CRACR2A: variants seen among roughly 807,000 people sequenced by gnomAD.
CRACR2A encodes calcium release activated channel regulator 2A.
A neutral mutation model predicts 90.5 loss-of-function variants in CRACR2A; 79 were observed. The observed-to-expected ratio is 0.87, with a 90% CI of 0.73 to 1.05. CRACR2A has a LOEUF of 1.05. CRACR2A is among the 50% of genes least tolerant of loss of function. The pLI, the probability that CRACR2A is intolerant of heterozygous loss-of-function variation, is 0.00. For synonymous variants in CRACR2A, 338 were observed against 356.7 expected (o/e 0.95, Z 0.59); for missense variants, 823 against 897.2 (o/e 0.92, Z 1.06).
chr12:3,641,659 T>C (rs2137380202), intron 13 of CRACR2A, 73 bp downstream of exon 13: 2 of 1,381,024 alleles, frequency 1.4e-6, no homozygotes, highest in East Asian at 5.0e-5. Flanking sequence ...CAGCAGGCAC[T>C]GAGTATGGGC....
At chr12:3,671,648 T>C (rs1945244629) in intron 7 of CRACR2A, among the ~76,000 whole-genome samples, 1 of 152,220 alleles carries the variant, frequency 6.6e-6, no homozygotes, top group Admixed American at 6.5e-5. Context: ...CTCTACACTG[T>C]TGTCTGGAAG....
chr12:3,719,269 A>T (rs1363905244), intron 2 of CRACR2A, among the ~76,000 whole-genome samples: 1 of 152,110 alleles, frequency 6.6e-6, no homozygotes, highest in Non-Finnish European at 1.5e-5. Context: ...TTTTTTTTAA[A>T]AAAAGCATAT....
intron 3 of CRACR2A, among the ~76,000 whole-genome samples, chr12:3,704,317 T>C (rs1945881168): frequency 6.6e-6 from 1 of 152,130 alleles, no homozygotes; most frequent in African/African-American, 2.4e-5. Flanking sequence ...TTCATTTATA[T>C]AAAACTCTAA....
intron 4 of CRACR2A, among the ~76,000 whole-genome samples, chr12:3,685,432 A>G (rs1226626188): frequency 1.3e-5 from 2 of 152,238 alleles, no homozygotes; most frequent in East Asian, 1.9e-4. Context: ...ATATTTGCCC[A>G]TCCATGTCCA....
intron 3 of CRACR2A, among the ~76,000 whole-genome samples, chr12:3,703,210 T>A (rs1429219442): frequency 1.3e-5 from 2 of 152,172 alleles, no homozygotes; most frequent in African/African-American, 2.4e-5. Context: ...TGCCTCAGCC[T>A]CCCGAGTACC....
intron 14 of CRACR2A, among the ~76,000 whole-genome samples, chr12:3,637,453 G>C (rs927383322): frequency 2.0e-5 from 3 of 152,116 alleles, no homozygotes; most frequent in African/African-American, 7.2e-5. Context: ...CAAATAATCT[G>C]ATCAATCTTT....
intron 17 of CRACR2A, among the ~76,000 whole-genome samples, chr12:3,622,409 G>T (rs1460008420): frequency 6.6e-6 from 1 of 152,192 alleles, no homozygotes; most frequent in African/African-American, 2.4e-5. Flanking sequence ...TCCAAAGCCA[G>T]GTTCTGTTCT....
At chr12:3,616,160 A>C (rs559038763) in intron 19 of CRACR2A, among the ~76,000 whole-genome samples, 33 of 152,354 alleles carry the variant, frequency 2.2e-4, no homozygotes, top group African/African-American at 7.7e-4. Flanking sequence ...AAAGCCTAGA[A>C]TGTTTCCTTG....
chr12:3,726,977 G>A (rs1002137730), intron 2 of CRACR2A: 2 of 151,888 alleles, frequency 1.3e-5, no homozygotes, highest in Non-Finnish European at 2.9e-5. Flanking sequence ...CCAACATGGT[G>A]AAACCCCGTC....
intron 3 of CRACR2A, among the ~76,000 whole-genome samples, chr12:3,704,510 A>G (rs1945885368): frequency 6.6e-6 from 1 of 152,196 alleles, no homozygotes; most frequent in African/African-American, 2.4e-5. Context: ...ACACACATAT[A>G]CACATATACA....
In CRACR2A at chr12:3,628,762, C is replaced by A. The variant is rs559670456; in HGVS notation, c.1736-1056G>T. Among the ~76,000 whole-genome samples, 6 of 152,346 alleles carry A rather than the reference C, an allele frequency of 3.9e-5. No individual in the cohort carries two copies. In the South Asian group the frequency reaches 1.2e-3, roughly 32 times the overall value. On this transcript the variant is annotated intron_variant, in intron 15 of 19. Transcript: ENST00000440314. ...GCATCTCCCGCAACCTTCAGAAAGG[C>A]CTCTGGAGGGCTCAGGAAGACAAAC...
intron 2 of CRACR2A, among the ~76,000 whole-genome samples, chr12:3,723,434 A>G (rs1240870227): frequency 6.6e-6 from 1 of 152,150 alleles, no homozygotes; most frequent in Non-Finnish European, 1.5e-5. Context: ...AATAAATAAG[A>G]GGAGGTCAGT....
At chr12:3,725,658 C>T (rs241978) in intron 2 of CRACR2A, among the ~76,000 whole-genome samples, 39,140 of 152,184 alleles carry the variant, frequency 0.26, 5,170 homozygotes, top group Admixed American at 0.32. Flanking sequence ...ATTCTCAACC[C>T]TCAGAGTACA....
At chr12:3,736,506 T>C (rs1264281803) in intron 1 of CRACR2A, among the ~76,000 whole-genome samples, 2 of 151,938 alleles carry the variant, frequency 1.3e-5, no homozygotes, top group Admixed American at 6.6e-5. Context: ...AAAGATCTGG[T>C]GTGCAGGAGT....
Position 3,697,029 on chromosome 12 carries a change from T to C in CRACR2A, c.-30A>G. The stretch of plus-strand genomic sequence containing the variant: ...ATTAGTCAGTTTCTTGAAGTCTTTT[T>C]CAGAACCTGAACATAGAAAATGGGA... On this transcript the variant is annotated 5_prime_UTR_variant, in exon 4 of 20. Transcript: ENST00000440314. The C allele has an allele frequency of 1.3e-6, 2 of 1,575,214 alleles. 1 individual carries two copies. Among genetic ancestry groups the C allele is most frequent in the South Asian group, 2.3e-5 (2 of 87,218 alleles).
intron 4 of CRACR2A, among the ~76,000 whole-genome samples, chr12:3,681,974 G>C (rs1277063511): frequency 6.6e-6 from 1 of 152,180 alleles, no homozygotes; most frequent in Non-Finnish European, 1.5e-5. Flanking sequence ...GATTCTGGAA[G>C]TATATCTGCT....
At chr12:3,623,289 T>C (rs1944183829) in intron 17 of CRACR2A, among the ~76,000 whole-genome samples, 1 of 152,188 alleles carries the variant, frequency 6.6e-6, no homozygotes, top group African/African-American at 2.4e-5. Flanking sequence ...CACGTTTTTT[T>C]CCAGCTCGGA....
intron 4 of CRACR2A, among the ~76,000 whole-genome samples, chr12:3,689,747 T>G (rs1945621180): frequency 6.6e-6 from 1 of 151,422 alleles, no homozygotes; most frequent in Non-Finnish European, 1.5e-5. Context: ...CAATTTTTTT[T>G]AATAGTTTCG....
At chr12:3,666,327 C>CTGCGTGTGCGTGTGTGTGTG (rs1555112031) in intron 7 of CRACR2A, among the ~76,000 whole-genome samples, 2 of 57,892 alleles carry the variant, frequency 3.5e-5, no homozygotes, top group African/African-American at 2.2e-4. Context: ...TAAAGGACGG[C>CTGCGTGTGCGTGTGTGTGTG]TGCGTGTGTG....
Sources: gnomAD v4.1 joint callset for allele counts (sites outside exome capture counted in the v4.1 genomes callset) on GRCh38, gnomAD v4.1.1 for gene constraint, MANE v1.5 for transcripts, NCBI Gene and HGNC (gene_info 2026-07-23, HGNC 2026-07-21) for gene names.